Variants in NPAS3 observed in about 807,000 individuals in gnomAD.
NPAS3 encodes neuronal PAS domain protein 3, also known as neuronal PAS domain-containing protein 3.
In NPAS3, 14 loss-of-function variants were observed where a neutral mutation model predicts 73.1. The observed-to-expected ratio is 0.19, with a 90% CI of 0.13 to 0.30. The LOEUF (loss-of-function observed/expected upper bound fraction) is 0.30, where lower values mean the gene tolerates loss of function less well. Among genes scored for constraint, NPAS3 ranks in the 10% least tolerant of loss-of-function variants. NPAS3 has a pLI of 1.00. For synonymous variants in NPAS3, 620 were observed against 541.5 expected, an observed-to-expected ratio of 1.14 and a Z score of -2.01; for missense variants, 1,096 against 1,250.0, an observed-to-expected ratio of 0.88 and a Z score of 1.86.
At chr14:33,535,843 A>G (rs2054236771) in intron 4 of NPAS3, among the ~76,000 whole-genome samples, 1 of 152,216 alleles carries the variant, frequency 6.6e-6, no homozygotes, top group South Asian at 2.1e-4. Flanking sequence ...GCTTGTGCAG[A>G]CATACAGTTT....
At chr14:33,335,337 G>A (rs540610772) in intron 3 of NPAS3, among the ~76,000 whole-genome samples, 12 of 152,118 alleles carry the variant, frequency 7.9e-5, no homozygotes, top group Non-Finnish European at 1.6e-4. Flanking sequence ...TACATTCAGG[G>A]GTCAAATGAC....
At chr14:33,796,664 G>T (rs1456686310) in intron 10 of NPAS3, among the ~76,000 whole-genome samples, 1 of 152,160 alleles carries the variant, frequency 6.6e-6, no homozygotes, top group African/African-American at 2.4e-5. Flanking sequence ...TCATCCATCA[G>T]GTGGCCTTGG....
intron 2 of NPAS3, among the ~76,000 whole-genome samples, chr14:33,123,586 C>T (rs953472399): frequency 6.6e-6 from 1 of 151,948 alleles, no homozygotes; most frequent in Non-Finnish European, 1.5e-5. Flanking sequence ...TCTGCCTAGG[C>T]CTCTGTAGCA....
intron 5 of NPAS3, among the ~76,000 whole-genome samples, chr14:33,609,941 C>A (rs887969808): frequency 6.6e-6 from 1 of 151,944 alleles, no homozygotes; most frequent in Non-Finnish European, 1.5e-5. Context: ...TTATTTAAGT[C>A]TTTATCTTTT....
At chr14:33,801,301 C>T, downstream of NPAS3, 1 of 1,228,294 alleles carries the variant, frequency 8.1e-7, no homozygotes, top group Non-Finnish European at 1.1e-6. Flanking sequence ...TTATTTTTTG[C>T]CTTCAGAGGG....
chr14:33,011,509 C>A (rs1256492185), intron 1 of NPAS3, among the ~76,000 whole-genome samples: 1 of 151,794 alleles, frequency 6.6e-6, no homozygotes, highest in South Asian at 2.1e-4. Context: ...TTGTGGAGAA[C>A]ATTGAAAACT....
chr14:33,310,873 A>T (rs568211017), intron 3 of NPAS3, among the ~76,000 whole-genome samples: 6 of 151,970 alleles, frequency 3.9e-5, no homozygotes, highest in African/African-American at 1.4e-4. Flanking sequence ...TTAAGACTAC[A>T]GTCTGTTACT....
rs374670685 is a variant in NPAS3 at position 33,630,378 on chromosome 14, C to A, written c.559-45833C>A. On this transcript the variant is annotated intron_variant, in intron 5 of 11. Transcript: ENST00000356141. ...ATCAGGACTGGGATTTGGGCAATGG[C>A]TCCAGCCCCCTCCTAACTTAGTACA... Among the ~76,000 whole-genome samples, 31 of 152,294 alleles carry A rather than the reference C, an allele frequency of 2.0e-4. No individual in the cohort carries two copies. The East Asian group carries it at 2.5e-3, about 12-fold the overall frequency.
chr14:33,256,142 C>A (rs796789349), intron 3 of NPAS3, among the ~76,000 whole-genome samples: 13 of 152,178 alleles, frequency 8.5e-5, no homozygotes, highest in African/African-American at 3.1e-4. Context: ...TTAGGTAAAG[C>A]CTGACCACCA....
chr14:33,778,695 T>C, intron 9 of NPAS3, 123 bp downstream of exon 9: 1 of 664,524 alleles, frequency 1.5e-6, no homozygotes, highest in Non-Finnish European at 2.7e-6. Flanking sequence ...ACTGTCAGTG[T>C]GCAGTGAGAA....
At chr14:33,689,581 G>A (rs758327395) in intron 6 of NPAS3, among the ~76,000 whole-genome samples, 3 of 152,098 alleles carry the variant, frequency 2.0e-5, no homozygotes, top group Non-Finnish European at 2.9e-5. Flanking sequence ...GTACCCAAAA[G>A]ATATGCTTCT....
intron 4 of NPAS3, among the ~76,000 whole-genome samples, chr14:33,511,842 A>G (rs752577024): frequency 2.6e-5 from 4 of 152,178 alleles, no homozygotes; most frequent in Non-Finnish European, 4.4e-5. Context: ...GTTTTGTAGC[A>G]TTCTACTTCA....
intron 5 of NPAS3, among the ~76,000 whole-genome samples, chr14:33,601,537 A>T (rs1168544201): frequency 6.6e-6 from 1 of 152,220 alleles, no homozygotes; most frequent in Non-Finnish European, 1.5e-5. Context: ...TAGGGATCTC[A>T]TTTAATTTGA....
At chr14:33,435,473 C>G (rs2048950475) in intron 4 of NPAS3, among the ~76,000 whole-genome samples, 1 of 152,112 alleles carries the variant, frequency 6.6e-6, no homozygotes, top group African/African-American at 2.4e-5. Flanking sequence ...TTTGATATTT[C>G]TCTTTCAGAT....
intron 5 of NPAS3, among the ~76,000 whole-genome samples, chr14:33,671,017 A>G (rs2059596121): frequency 6.6e-6 from 1 of 152,132 alleles, no homozygotes; most frequent in African/African-American, 2.4e-5. Flanking sequence ...AATCAACTTT[A>G]TATTGTTCCT....
At chr14:33,573,123 G>C (rs1370023363) in intron 5 of NPAS3, among the ~76,000 whole-genome samples, 1 of 150,940 alleles carries the variant, frequency 6.6e-6, no homozygotes, top group African/African-American at 2.4e-5. Flanking sequence ...TGAAAATTCT[G>C]ATACTCAACA....
chr14:33,198,108 G>A (rs371410925), intron 2 of NPAS3, among the ~76,000 whole-genome samples: 2 of 152,144 alleles, frequency 1.3e-5, no homozygotes, highest in African/African-American at 2.4e-5. Context: ...TGGGGGGTTC[G>A]TGATCTCACT....
At chr14:33,795,870 G>T (rs2063498080) in intron 10 of NPAS3, among the ~76,000 whole-genome samples, 1 of 152,078 alleles carries the variant, frequency 6.6e-6, no homozygotes, top group Admixed American at 6.6e-5. Context: ...GGAAGTTTAG[G>T]TATCAAAGAC....
chr14:33,116,942 A>G (rs1241553217), intron 2 of NPAS3, among the ~76,000 whole-genome samples: 1 of 152,136 alleles, frequency 6.6e-6, no homozygotes, highest in Non-Finnish European at 1.5e-5. Context: ...AAGTATTAAT[A>G]AATATTGATT....
Sources: allele counts gnomAD v4.1 joint callset (sites outside exome capture counted in the v4.1 genomes callset), GRCh38; gene constraint gnomAD v4.1.1; transcripts MANE v1.5; gene names NCBI Gene and HGNC (gene_info 2026-07-23, HGNC 2026-07-21).